The following KIAA0825 variants were observed in gnomAD, a reference collection of about 807,000 sequenced individuals.
The protein encoded by KIAA0825 is KIAA0825, also known as uncharacterized protein KIAA0825.
Under a neutral mutation model 147.6 loss-of-function variants are expected in KIAA0825, and 119 were observed. That is an observed-to-expected ratio of 0.81 (90% CI 0.69 to 0.94). The LOEUF (loss-of-function observed/expected upper bound fraction) is 0.94. Among genes scored for constraint, KIAA0825 ranks in the 40% least tolerant of loss-of-function variants. The probability of loss-of-function intolerance (pLI) is 0.00; values close to 1 mark genes in which losing one functional copy is unlikely to be tolerated. For missense variants in KIAA0825, 1,381 were observed against 1,472.7 expected (o/e 0.94, Z 1.02); for synonymous variants, 470 against 518.1 (o/e 0.91, Z 1.26).
chr5:94,612,168 A>G (rs1183899310), intron 1 of KIAA0825, among the ~76,000 whole-genome samples: 1 of 152,092 alleles, frequency 6.6e-6, no homozygotes, highest in Non-Finnish European at 1.5e-5. Flanking sequence ...AGAACATATG[A>G]CCCAAATGTT....
At position 94,520,396 on chromosome 5, in the gene KIAA0825, G is replaced by A. The variant is rs1562586215; in HGVS notation, c.822C>T (p.Phe274=). 2 of 1,612,992 alleles carry A rather than the reference G, an allele frequency of 1.2e-6. No individual in the cohort carries two copies. Among genetic ancestry groups the A allele is most frequent in the Non-Finnish European group, 1.7e-6 (2 of 1,179,310 alleles). ...EILAPSSMVK[F]IKETYLDTVT... ...CAGTATCCAGGTAAGTTTCTTTAAT[G>A]AATTTCACCATTGAAGATGGAGCTA... The change falls in exon 5 of 21, where the codon TTC becomes TTT. Residue 274 remains phenylalanine (F), a synonymous_variant. Transcript: ENST00000682413.
At chr5:94,525,578 T>C (rs956062175) in intron 3 of KIAA0825, among the ~76,000 whole-genome samples, 17 of 152,036 alleles carry the variant, frequency 1.1e-4, no homozygotes, top group South Asian at 1.0e-3. Flanking sequence ...TTAACTTATG[T>C]AAGCACTTCT....
intron 20 of KIAA0825, among the ~76,000 whole-genome samples, chr5:94,288,791 G>A (rs889262971): frequency 2.0e-5 from 3 of 152,168 alleles, no homozygotes; most frequent in African/African-American, 7.2e-5. Context: ...AGCTGCTACA[G>A]GTTTTGTGCT....
chr5:94,445,918 T>G (rs1034001037), intron 13 of KIAA0825, among the ~76,000 whole-genome samples: 1 of 152,192 alleles, frequency 6.6e-6, no homozygotes, highest in Non-Finnish European at 1.5e-5. Flanking sequence ...CTATTGGCAC[T>G]ATGTCAATGC....
chr5:94,430,036 G>A (rs1044909450), intron 14 of KIAA0825, among the ~76,000 whole-genome samples: 18 of 152,110 alleles, frequency 1.2e-4, no homozygotes, highest in African/African-American at 4.3e-4. Flanking sequence ...GGAGCAGAGA[G>A]GACCCCCTGC....
intron 20 of KIAA0825, among the ~76,000 whole-genome samples, chr5:94,245,087 C>T (rs1384512849): frequency 1.3e-5 from 2 of 152,138 alleles, no homozygotes; most frequent in African/African-American, 2.4e-5. Context: ...ATCTTATCTT[C>T]TTCACATTTA....
At chr5:94,604,948 A>C (rs559353919) in intron 1 of KIAA0825, among the ~76,000 whole-genome samples, 2 of 152,270 alleles carry the variant, frequency 1.3e-5, no homozygotes, top group Non-Finnish European at 2.9e-5. Context: ...TTAAAAGATC[A>C]ACAAATCCAG....
chr5:94,248,926 A>G (rs1271121227), intron 20 of KIAA0825, among the ~76,000 whole-genome samples: 5 of 152,162 alleles, frequency 3.3e-5, no homozygotes, highest in Non-Finnish European at 5.9e-5. Context: ...AAATGGTTGC[A>G]TATAGGCAAT....
chr5:94,208,444 G>A (rs62367168), intron 20 of KIAA0825, among the ~76,000 whole-genome samples: 2 of 152,196 alleles, frequency 1.3e-5, no homozygotes, highest in Non-Finnish European at 2.9e-5. Context: ...CAATGAGTTA[G>A]ATGCTATGAG....
intron 5 of KIAA0825, among the ~76,000 whole-genome samples, chr5:94,508,967 AT>A (rs1447886340): frequency 6.6e-6 from 1 of 152,018 alleles, no homozygotes; most frequent in Non-Finnish European, 1.5e-5. Flanking sequence ...TCCTGATTTA[AT>A]TTTTTCCTGC....
intron 20 of KIAA0825, among the ~76,000 whole-genome samples, chr5:94,202,557 G>T (rs1771794714): frequency 6.6e-6 from 1 of 152,176 alleles, no homozygotes; most frequent in Admixed American, 6.5e-5. Context: ...GACTGTACAG[G>T]TTTCTGCACC....
chr5:94,264,363 G>A (rs1186830615), intron 20 of KIAA0825, among the ~76,000 whole-genome samples: 4 of 152,182 alleles, frequency 2.6e-5, no homozygotes, highest in East Asian at 3.8e-4. Flanking sequence ...CTAGCACCAT[G>A]TTTGGTACAT....
chr5:94,234,023 A>T (rs927321362), intron 20 of KIAA0825, among the ~76,000 whole-genome samples: 1 of 152,138 alleles, frequency 6.6e-6, no homozygotes, highest in African/African-American at 2.4e-5. Flanking sequence ...TCTCTGTACC[A>T]CATGTTGGTA....
chr5:94,351,033 C>T lies in KIAA0825; in HGVS notation c.3710+33335G>A, dbSNP rs984102316. Reference sequence around the variant, plus strand: ...TCCTGAAGGATGCCCACTCTTACCACTCCTCTTCAATGTAGTACTGGAAGT... The same window carrying T: ...TCCTGAAGGATGCCCACTCTTACCATTCCTCTTCAATGTAGTACTGGAAGT... On this transcript the variant is annotated intron_variant, in intron 20 of 20. Transcript: ENST00000682413. Among the ~76,000 whole-genome samples the T allele has an allele frequency of 7.9e-5, 12 of 152,160 alleles. No individual in the cohort carries two copies. The East Asian group carries it at 1.4e-3, about 17-fold the overall frequency.
intron 2 of KIAA0825, among the ~76,000 whole-genome samples, chr5:94,543,704 T>C (rs965704185): frequency 4.6e-5 from 7 of 152,108 alleles, no homozygotes; most frequent in Non-Finnish European, 8.8e-5. Flanking sequence ...GGCTAAGGGT[T>C]AAAATAGCTT....
intron 20 of KIAA0825, among the ~76,000 whole-genome samples, chr5:94,157,427 T>A (rs1186088835): frequency 6.6e-6 from 1 of 152,056 alleles, no homozygotes; most frequent in Non-Finnish European, 1.5e-5. Context: ...TAGATATGGG[T>A]CCCTTTTCCT....
chr5:94,176,582 G>A (rs1418185949), intron 20 of KIAA0825, among the ~76,000 whole-genome samples: 1 of 151,956 alleles, frequency 6.6e-6, no homozygotes, highest in Admixed American at 6.6e-5. Flanking sequence ...TCATTTATAA[G>A]CACTAGGAGA....
chr5:94,543,559 T>C (rs1773753613), intron 2 of KIAA0825, among the ~76,000 whole-genome samples: 1 of 152,164 alleles, frequency 6.6e-6, no homozygotes, highest in Non-Finnish European at 1.5e-5. Flanking sequence ...TTCCTACTGA[T>C]GCTTTCTGAC....
chr5:94,419,352 C>T (rs1457632859), intron 14 of KIAA0825, among the ~76,000 whole-genome samples: 1 of 152,172 alleles, frequency 6.6e-6, no homozygotes, highest in Non-Finnish European at 1.5e-5. Flanking sequence ...TCTGCTCCCT[C>T]CAATTCATCT....
Sources: gnomAD v4.1 joint callset for allele counts (sites outside exome capture counted in the v4.1 genomes callset) on GRCh38, gnomAD v4.1.1 for gene constraint, MANE v1.5 for transcripts, NCBI Gene and HGNC (gene_info 2026-07-23, HGNC 2026-07-21) for gene names.